The following KDM2A variants were observed in gnomAD, a reference collection of about 807,000 sequenced individuals.
The protein encoded by KDM2A is lysine demethylase 2A, also known as lysine-specific demethylase 2A.
A neutral mutation model predicts 137.3 loss-of-function variants in KDM2A; 3 were observed. The ratio of observed to expected loss-of-function variants is 0.02; its 90% CI spans 0.01 to 0.06. The LOEUF (loss-of-function observed/expected upper bound fraction) is 0.06, where lower values mean the gene tolerates loss of function less well. Among genes scored for constraint, KDM2A ranks in the 10% least tolerant of loss-of-function variants. The pLI, the probability that KDM2A is intolerant of heterozygous loss-of-function variation, is 1.00. For synonymous variants in KDM2A, 512 were observed against 541.5 expected (o/e 0.95, Z 0.76); for missense variants, 738 against 1,510.6 (o/e 0.49, Z 8.48).
In KDM2A at chr11:67,167,075, C is replaced by T. The variant is rs141106658; in HGVS notation, c.43-13004C>T. ...CCTAGGCGACAGAGCGAGACTCTGCCTCAAAAAAAAATTAAAAAGTTTAAT... is the reference window on the plus strand; with the variant it reads ...CCTAGGCGACAGAGCGAGACTCTGCTTCAAAAAAAAATTAAAAAGTTTAAT... On this transcript the variant is annotated intron_variant, in intron 2 of 20. Coordinates refer to ENST00000529006, the MANE Select transcript of KDM2A (RefSeq NM_012308.3). Among the ~76,000 whole-genome samples, 83 of 151,918 alleles carry T rather than the reference C, an allele frequency of 5.5e-4. No individual in the cohort carries two copies. In the East Asian group the frequency reaches 0.014, roughly 27 times the overall value.
At chr11:67,157,640 G>C (rs567187618) in intron 2 of KDM2A, among the ~76,000 whole-genome samples, 39 of 151,550 alleles carry the variant, frequency 2.6e-4, no homozygotes, top group African/African-American at 8.2e-4. Context: ...AGCTACTCGG[G>C]AGGCTGAGGC....
In KDM2A at chr11:67,253,580, G is replaced by C. The variant is rs992045632; in HGVS notation, c.3060G>C (p.Arg1020=). 18 of 1,613,680 alleles carry C rather than the reference G, an allele frequency of 1.1e-5. No individual in the cohort carries two copies. Among genetic ancestry groups the C allele is most frequent in the Middle Eastern group, 1.6e-4 (1 of 6,084 alleles). Residue 1020 remains arginine, a synonymous_variant, in exon 19 of 21, where the codon CGG becomes CGC. Transcript: ENST00000529006. ...TAGGAATCAAGGACCCTCAAATTCG[G>C]GACTTGCTTACTCCACCGGCTGATA... ...WAVGIKDPQI[R]DLLTPPADKP...
rs572667186 is a variant in KDM2A, at chr11:67,240,047, G to A, written c.1480-2962G>A. 16 of 1,304,064 alleles carry A rather than the reference G, an allele frequency of 1.2e-5. No homozygotes were observed. In the East Asian group the frequency reaches 4.6e-4, roughly 38 times the overall value. 80.8% of individuals were successfully genotyped at this position (1,304,064 alleles called of 1,614,324 possible). On this transcript the variant is annotated intron_variant, in intron 12 of 20. Coordinates refer to ENST00000529006, the MANE Select transcript of KDM2A (RefSeq NM_012308.3). ...TCGGCTCCCCCTCCTGCCATCTTCC[G>A]TTGCAAAGCATTTCTGGGAGCTGCA...
At position 67,255,311 on chromosome 11, in the gene KDM2A, G is replaced by T; in HGVS notation, c.*256G>T. The T allele has an allele frequency of 1.9e-6, 1 of 523,816 alleles. No individual in the cohort carries two copies. The highest frequency in any genetic ancestry group is 2.0e-5 in the South Asian group (1 of 51,226). The allele number at this position is 523,816 out of a possible 1,614,324, so 32.4% of individuals were successfully genotyped here. A position where few individuals can be genotyped will look rare whatever the true frequency, so the allele number is the denominator to read the frequency against. On this transcript the variant is annotated 3_prime_UTR_variant, in exon 21 of 21. Coordinates refer to ENST00000529006, the MANE Select transcript of KDM2A (RefSeq NM_012308.3). ...GGAAAGCACAGGCTGTGCTGTCGAG[G>T]CGCCTGCTCGCTTACTCGCCTGCCA... is the stretch of plus-strand genomic sequence containing the variant.
intron 2 of KDM2A, among the ~76,000 whole-genome samples, chr11:67,151,524 AT>A (rs1187200065): frequency 6.6e-6 from 1 of 151,670 alleles, no homozygotes; most frequent in African/African-American, 2.4e-5. Context: ...AATTTTTTGT[AT>A]TTTTAGTAGA....
intron 11 of KDM2A, among the ~76,000 whole-genome samples, chr11:67,231,342 A>G (rs1826729071): frequency 2.0e-5 from 3 of 152,168 alleles, no homozygotes; most frequent in Admixed American, 2.0e-4. Flanking sequence ...AAAAAATCCA[A>G]TTGACTATTA....
At chr11:67,203,045 GAAA>G (rs1857685131) in intron 5 of KDM2A, among the ~76,000 whole-genome samples, 1 of 150,572 alleles carries the variant, frequency 6.6e-6, no homozygotes, top group Non-Finnish European at 1.5e-5. Context: ...TTCAGCGAAA[GAAA>G]AAGAAGTTGC....
chr11:67,255,566 A>G lies in KDM2A; in HGVS notation c.*511A>G, dbSNP rs769753950. 30 of 456,532 alleles carry G rather than the reference A, an allele frequency of 6.6e-5. 1 individual carries two copies. The highest frequency in any genetic ancestry group is 4.6e-4 in the South Asian group (30 of 64,558). 28.3% of individuals were successfully genotyped at this position (456,532 alleles called of 1,614,324 possible). On this transcript the variant is annotated 3_prime_UTR_variant, in exon 21 of 21. Coordinates refer to ENST00000529006, the MANE Select transcript of KDM2A (RefSeq NM_012308.3). Reference sequence around the variant, plus strand: ...GGGCCAGCAGCCCCAGGAGTCCCAGACCCGTGCCGATCACACTGGTGCTGT... The same window carrying G: ...GGGCCAGCAGCCCCAGGAGTCCCAGGCCCGTGCCGATCACACTGGTGCTGT...
intron 5 of KDM2A, 93 bp from the exon 6 acceptor site, chr11:67,207,417 A>G (rs1238930793): frequency 3.2e-6 from 3 of 928,154 alleles, no homozygotes; most frequent in African/African-American, 1.7e-5. Flanking sequence ...AAGAAAGGAC[A>G]GTATTTTTTC....
intron 10 of KDM2A, among the ~76,000 whole-genome samples, chr11:67,224,280 G>A (rs1590803090): frequency 6.6e-6 from 1 of 152,022 alleles, no homozygotes; most frequent in Non-Finnish European, 1.5e-5. Context: ...GTATCATTTG[G>A]CTTATCCTTT....
At chr11:67,155,845 A>T (rs1856499989) in intron 2 of KDM2A, among the ~76,000 whole-genome samples, 2 of 132,948 alleles carry the variant, frequency 1.5e-5, no homozygotes, top group East Asian at 5.1e-4. Flanking sequence ...GGAACTCCCG[A>T]CCTCAGGTGA....
At chr11:67,185,121 G>A (rs1857174750) in intron 5 of KDM2A, among the ~76,000 whole-genome samples, 1 of 152,148 alleles carries the variant, frequency 6.6e-6, no homozygotes, top group Admixed American at 6.6e-5. Context: ...AGTCAAGGAA[G>A]TAATGTATGA....
At chr11:67,175,591 C>T (rs770425229) in intron 2 of KDM2A, among the ~76,000 whole-genome samples, 6 of 152,112 alleles carry the variant, frequency 3.9e-5, no homozygotes, top group African/African-American at 9.7e-5. Flanking sequence ...CTTACATTCT[C>T]CCTATTGAAG....
Position 67,227,227 on chromosome 11 carries a change from G to A in KDM2A, c.958-810G>A, listed in dbSNP as rs1170001346. Among the ~76,000 whole-genome samples the A allele has an allele frequency of 3.3e-5, 5 of 152,308 alleles. No homozygotes were observed. In the East Asian group the frequency reaches 9.6e-4, roughly 29 times the overall value. ...AGACTACAAAGTATGAGGCAGGCAA[G>A]CTGAGCATCGATAGTGGAGAAAATA... On this transcript the variant is annotated intron_variant, in intron 10 of 20. Transcript: ENST00000529006.
chr11:67,223,495 T>C (rs1158599482), intron 10 of KDM2A, among the ~76,000 whole-genome samples: 1 of 152,094 alleles, frequency 6.6e-6, no homozygotes, highest in Non-Finnish European at 1.5e-5. Flanking sequence ...CTCAACCTCG[T>C]AGGCTCAAGT....
At chr11:67,147,681 A>G (rs1372634982) in intron 2 of KDM2A, among the ~76,000 whole-genome samples, 1 of 146,902 alleles carries the variant, frequency 6.8e-6, no homozygotes, top group Non-Finnish European at 1.5e-5. Flanking sequence ...TTCATTAGAG[A>G]TTCTTTTTTT....
At chr11:67,120,867 C>A (rs540751657) in intron 1 of KDM2A, among the ~76,000 whole-genome samples, 26 of 151,666 alleles carry the variant, frequency 1.7e-4, no homozygotes, top group Non-Finnish European at 3.1e-4. Flanking sequence ...TGGATTAGTT[C>A]AGTGGTGCTT....
At chr11:67,240,799 A>G (rs992930883) in intron 12 of KDM2A, among the ~76,000 whole-genome samples, 1 of 151,934 alleles carries the variant, frequency 6.6e-6, no homozygotes. Context: ...GCCTTTTTTG[A>G]TGAAAGCAGG....
intron 2 of KDM2A, among the ~76,000 whole-genome samples, chr11:67,151,065 G>A (rs978383048): frequency 6.6e-6 from 1 of 152,138 alleles, no homozygotes; most frequent in African/African-American, 2.4e-5. Context: ...AGAAGCAGGG[G>A]TTCAGTTTAG....
Sources: gnomAD v4.1 joint callset for allele counts (sites outside exome capture counted in the v4.1 genomes callset) on GRCh38, gnomAD v4.1.1 for gene constraint, MANE v1.5 for transcripts, NCBI Gene and HGNC (gene_info 2026-07-23, HGNC 2026-07-21) for gene names.